IFT74: variants seen among roughly 807,000 people sequenced by gnomAD.
The protein encoded by IFT74 is intraflagellar transport 74.
IFT74 carries 92 observed loss-of-function variants against 96.7 expected under a neutral mutation model. The ratio of observed to expected loss-of-function variants is 0.95; its 90% CI spans 0.80 to 1.13. IFT74 has a LOEUF of 1.13. Among genes scored for constraint, IFT74 ranks in the 50% most tolerant of loss-of-function variants. The probability of loss-of-function intolerance (pLI) is 0.00; values close to 1 mark genes in which losing one functional copy is unlikely to be tolerated. For synonymous variants in IFT74, 223 were observed against 213.2 expected (o/e 1.05, Z -0.40); for missense variants, 811 against 698.2 (o/e 1.16, Z -1.82).
chr9:26,955,213 G>A (rs1351392152), upstream of IFT74, among the ~76,000 whole-genome samples: 1 of 152,142 alleles, frequency 6.6e-6, no homozygotes, highest in African/African-American at 2.4e-5. Flanking sequence ...GAAGAAACAA[G>A]CTAGAGGTTC....
chr9:27,056,961 T>A (rs189215533), intron 18 of IFT74, among the ~76,000 whole-genome samples: 107 of 152,204 alleles, frequency 7.0e-4, no homozygotes, highest in African/African-American at 2.4e-3. Context: ...TCTATGCATT[T>A]ATAGAAATTG....
chr9:26,962,522 T>C (rs989340564), intron 2 of IFT74, among the ~76,000 whole-genome samples: 21 of 152,218 alleles, frequency 1.4e-4, no homozygotes, highest in African/African-American at 5.1e-4. Context: ...TATAAGAATT[T>C]AGTTAATGAT....
At chr9:27,028,783 G>C (rs906933225) in intron 12 of IFT74, 9 of 266,212 alleles carry the variant, frequency 3.4e-5, no homozygotes, top group Admixed American at 3.4e-4. Context: ...ATCTAGACAA[G>C]ATTCTTCCTC....
intron 1 of IFT74, among the ~76,000 whole-genome samples, chr9:26,961,007 G>C (rs1305706649): frequency 6.6e-6 from 1 of 150,632 alleles, no homozygotes; most frequent in Non-Finnish European, 1.5e-5. Context: ...AGATTAGGAA[G>C]TCACTAATTA....
intron 13 of IFT74, among the ~76,000 whole-genome samples, chr9:27,036,162 T>C (rs1055654708): frequency 1.1e-4 from 16 of 152,210 alleles, no homozygotes; most frequent in African/African-American, 3.4e-4. Flanking sequence ...AAGGTCTTCA[T>C]CCTCATTGTC....
At chr9:27,014,072 G>A (rs557332845) in intron 10 of IFT74, among the ~76,000 whole-genome samples, 30 of 152,002 alleles carry the variant, frequency 2.0e-4, no homozygotes, top group Admixed American at 1.8e-3. Flanking sequence ...AAAATTAGTC[G>A]GGCATGGTGG....
intron 16 of IFT74, among the ~76,000 whole-genome samples, chr9:27,053,596 C>A (rs919089189): frequency 6.6e-6 from 1 of 152,156 alleles, no homozygotes; most frequent in Non-Finnish European, 1.5e-5. Flanking sequence ...TCAGAAGGAA[C>A]TAGACTGCAT....
intron 16 of IFT74, among the ~76,000 whole-genome samples, chr9:27,052,456 C>T (rs1031233726): frequency 6.9e-6 from 1 of 145,122 alleles, no homozygotes; most frequent in Non-Finnish European, 1.5e-5. Flanking sequence ...TGCAGTGAGC[C>T]GAGATCGCGC....
chr9:27,031,690 C>A (rs1462808128), intron 13 of IFT74, among the ~76,000 whole-genome samples: 2 of 139,688 alleles, frequency 1.4e-5, no homozygotes, highest in African/African-American at 2.7e-5. Flanking sequence ...GCCTCAAACT[C>A]CTGGGCTCAA....
At chr9:26,991,772 T>C (rs1393791562) in intron 8 of IFT74, among the ~76,000 whole-genome samples, 2 of 152,122 alleles carry the variant, frequency 1.3e-5, no homozygotes, top group African/African-American at 2.4e-5. Context: ...GGTTCACACA[T>C]GTAATCCCAG....
At chr9:26,974,774 A>G (rs552503421) in intron 2 of IFT74, among the ~76,000 whole-genome samples, 3 of 152,290 alleles carry the variant, frequency 2.0e-5, no homozygotes, top group East Asian at 3.9e-4. Context: ...TGAGGTCCTA[A>G]GAATTGATCA....
chr9:26,984,789 CT>C (rs1827565799), intron 6 of IFT74, among the ~76,000 whole-genome samples: 1 of 152,018 alleles, frequency 6.6e-6, no homozygotes. Context: ...ATGGCTGTTA[CT>C]AAGAAGTCAA....
chr9:27,055,186 G>GT lies in IFT74; in HGVS notation c.1334-422dup, dbSNP rs547897930. Among the ~76,000 whole-genome samples, 635 of 152,210 alleles carry GT rather than the reference G, an allele frequency of 4.2e-3. 6 individuals are homozygous for GT. Among genetic ancestry groups the GT allele is most frequent in the African/African-American group, 0.015 (618 of 41,530 alleles). ...TCATAGGACATAACTACCACAGATA[G>GT]TAAGAGTTGATTATGTGTGCAATTA... On this transcript the variant is annotated intron_variant, in intron 16 of 19. Coordinates refer to ENST00000380062, the MANE Select transcript of IFT74 (RefSeq NM_025103.4).
At chr9:26,961,007 G>A (rs1305706649) in intron 1 of IFT74, among the ~76,000 whole-genome samples, 3 of 150,632 alleles carry the variant, frequency 2.0e-5, no homozygotes, top group Non-Finnish European at 4.4e-5. Flanking sequence ...AGATTAGGAA[G>A]TCACTAATTA....
chr9:27,034,584 A>T (rs1021290734), intron 13 of IFT74, among the ~76,000 whole-genome samples: 1 of 152,112 alleles, frequency 6.6e-6, no homozygotes, highest in African/African-American at 2.4e-5. Context: ...GCTGGAGTAA[A>T]ATGGTGTGAT....
intron 1 of IFT74, among the ~76,000 whole-genome samples, chr9:26,957,607 AAG>A (rs1826170695): frequency 6.6e-6 from 1 of 152,214 alleles, no homozygotes; most frequent in African/African-American, 2.4e-5. Context: ...GCCCAGTTGA[AAG>A]GGCAGAACTG....
intron 8 of IFT74, among the ~76,000 whole-genome samples, chr9:27,001,482 A>T (rs572870638): frequency 6.6e-6 from 1 of 152,138 alleles, no homozygotes; most frequent in Non-Finnish European, 1.5e-5. Context: ...ATTGCCTGTC[A>T]TATTGATAGA....
intron 9 of IFT74, among the ~76,000 whole-genome samples, chr9:27,010,724 T>C (rs1018863973): frequency 1.3e-4 from 15 of 119,786 alleles, no homozygotes; most frequent in Non-Finnish European, 3.8e-5. Flanking sequence ...CCCCTCGGCT[T>C]CCCAAAGTGC....
Position 26,980,551 on chromosome 9 carries a change from C to G in IFT74, c.257-20C>G, listed in dbSNP as rs1827327160. The G allele has an allele frequency of 6.4e-7, 1 of 1,560,770 alleles. No individual in the cohort carries two copies. The highest frequency in any genetic ancestry group is 1.7e-5 in the Admixed American group (1 of 59,882). On this transcript the variant is annotated intron_variant, in intron 3 of 19. Transcript: ENST00000380062. ...TGGCATTTCGAACTGAACACTAACA[C>G]TTAAAACATTTTTTTTTAGGTCCCC...
Sources: gnomAD v4.1 joint callset for allele counts (sites outside exome capture counted in the v4.1 genomes callset) on GRCh38, gnomAD v4.1.1 for gene constraint, MANE v1.5 for transcripts, NCBI Gene and HGNC (gene_info 2026-07-23, HGNC 2026-07-21) for gene names.